TMEM91: variants seen among roughly 807,000 people sequenced by gnomAD.
TMEM91 encodes the protein dispanin subfamily C member 3.
A neutral mutation model predicts 13.3 loss-of-function variants in TMEM91; 6 were observed. The ratio of observed to expected loss-of-function variants is 0.45; its 90% CI spans 0.25 to 0.89. The LOEUF (loss-of-function observed/expected upper bound fraction) is 0.89, where lower values mean the gene tolerates loss of function less well. Among genes scored for constraint, TMEM91 ranks in the 40% least tolerant of loss-of-function variants. TMEM91 has a pLI of 0.19. For synonymous variants in TMEM91, 87 were observed against 101.7 expected, an observed-to-expected ratio of 0.86 and a Z score of 0.87; for missense variants, 193 against 228.7, an observed-to-expected ratio of 0.84 and a Z score of 1.01.
intron 2 of TMEM91, among the ~76,000 whole-genome samples, chr19:41,380,091 C>T (rs1156594296): frequency 6.6e-6 from 1 of 151,790 alleles, no homozygotes; most frequent in African/African-American, 2.4e-5. Flanking sequence ...GACAGGGTTT[C>T]ACTATGTTGG....
upstream of TMEM91, chr19:41,376,491 C>G (rs934375108): frequency 6.6e-6 from 1 of 152,282 alleles, no homozygotes. Flanking sequence ...CGGGGCCAAG[C>G]CAGGAAGGCC....
upstream of TMEM91, chr19:41,374,464 C>T (rs576541298): frequency 2.6e-5 from 4 of 152,318 alleles, no homozygotes; most frequent in African/African-American, 9.6e-5. Context: ...TGTTGGATAT[C>T]TGTTCTTTTT....
chr19:41,374,279 G>A (rs2038670417), upstream of TMEM91: 1 of 152,234 alleles, frequency 6.6e-6, no homozygotes, highest in Admixed American at 6.5e-5. Flanking sequence ...CTCCAGTCTG[G>A]TGAGACGGAG....
rs1400127607 is a variant in TMEM91 at position 41,383,606 on chromosome 19, G to A, written c.361-109G>A. 5 of 1,613,866 alleles carry A rather than the reference G, an allele frequency of 3.1e-6. No homozygotes were observed. In the Admixed American group the frequency reaches 8.3e-5, roughly 27 times the overall value. Reference sequence around the variant, plus strand: ...TAGTAGGTGCTACGTATCTGCTTTTGGAATACATGCATGAATGAATGAATG... The same window carrying A: ...TAGTAGGTGCTACGTATCTGCTTTTAGAATACATGCATGAATGAATGAATG... On this transcript the variant is annotated intron_variant, in intron 3 of 3. Transcript: ENST00000392002.
At chr19:41,372,137 A>T (rs1202310683), upstream of TMEM91, among the ~76,000 whole-genome samples, 1 of 152,012 alleles carries the variant, frequency 6.6e-6, no homozygotes, top group Non-Finnish European at 1.5e-5. Flanking sequence ...ACTTGAGGGT[A>T]GGAGTTCGAG....
intron 1 of TMEM91, among the ~76,000 whole-genome samples, chr19:41,371,357 CCTTCCTTCCTT>C: frequency 6.7e-6 from 1 of 148,912 alleles, no homozygotes; most frequent in Non-Finnish European, 1.5e-5. Context: ...TTCCTTCCTT[CCTTCCTTCCTT>C]CTTTCCTTCC....
chr19:41,384,071 C>A lies in TMEM91; in HGVS notation c.*198C>A, dbSNP rs1261744057. ...CAACCTGAGATTAAACACCAGACAC[C>A]CTTGCAGCCAAACCAGAGTCTGTTC... is the stretch of plus-strand genomic sequence containing the variant. On this transcript the variant is annotated 3_prime_UTR_variant, in exon 4 of 4. Coordinates refer to ENST00000392002, the MANE Select transcript of TMEM91 (RefSeq NM_001098821.2). The A allele has an allele frequency of 5.1e-6, 5 of 985,620 alleles. No homozygotes were observed. The African/African-American group carries it at 6.8e-5, about 13-fold the overall frequency. 61.1% of individuals were successfully genotyped at this position (985,620 alleles called of 1,614,324 possible).
chr19:41,368,864 C>T (rs2038569968), intron 1 of TMEM91, among the ~76,000 whole-genome samples: 1 of 151,950 alleles, frequency 6.6e-6, no homozygotes. Context: ...CCTGTAATCC[C>T]AGCACTTTGT....
chr19:41,375,166 TA>T (rs943064570), upstream of TMEM91, among the ~76,000 whole-genome samples: 6 of 151,854 alleles, frequency 4.0e-5, no homozygotes, highest in African/African-American at 1.2e-4. Flanking sequence ...CCCATTGGCT[TA>T]GCAAGGGCCA....
chr19:41,383,600 G>C, intron 3 of TMEM91, 115 bp from the exon 4 acceptor site: 1 of 1,613,940 alleles, frequency 6.2e-7, no homozygotes, highest in Non-Finnish European at 8.5e-7. Context: ...CTACGTATCT[G>C]CTTTTGGAAT....
At chr19:41,371,386 TTTCC>T (rs2038619096) in intron 1 of TMEM91, among the ~76,000 whole-genome samples, 1 of 137,934 alleles carries the variant, frequency 7.2e-6, no homozygotes, top group Admixed American at 7.2e-5. Context: ...TCCTTCCTTC[TTTCC>T]TTCCTCCCTC....
chr19:41,383,957 A>G lies in TMEM91; in HGVS notation c.*84A>G, dbSNP rs2038957036. On this transcript the variant is annotated 3_prime_UTR_variant, in exon 4 of 4. Transcript: ENST00000392002. The stretch of plus-strand genomic sequence containing the variant: ...AGAGAGTGGAGAATCTTGGTGGATG[A>G]GGCTGCGGCGGCGGCAGGAGCATCT... The G allele has an allele frequency of 1.3e-6, 2 of 1,540,462 alleles. No homozygotes were observed. The highest frequency in any genetic ancestry group is 1.7e-6 in the Non-Finnish European group (2 of 1,151,162).
chr19:41,379,888 CTTTTTTTTTTTTT>C (rs59525203), intron 2 of TMEM91, among the ~76,000 whole-genome samples: 60 of 75,156 alleles, frequency 8.0e-4, no homozygotes, highest in African/African-American at 3.1e-3. Flanking sequence ...TTAGGGCTTC[CTTTTTTTTTTTTT>C]TTTTTTTTTT....
chr19:41,377,799 T>A (rs1372586227), intron 1 of TMEM91, among the ~76,000 whole-genome samples: 5 of 151,486 alleles, frequency 3.3e-5, no homozygotes, highest in African/African-American at 1.2e-4. Flanking sequence ...TCCCCTAAGG[T>A]CAGGAGTTCG....
At chr19:41,377,046 T>C (rs2038736176) in intron 1 of TMEM91, 192 bp downstream of exon 1, 1 of 152,818 alleles carries the variant, frequency 6.5e-6, no homozygotes, top group South Asian at 2.0e-4. Flanking sequence ...GTGTTGCGTG[T>C]GTACGTGTAT....
chr19:41,382,705 G>A, intron 2 of TMEM91, 67 bp from the exon 3 acceptor site: 4 of 1,569,760 alleles, frequency 2.5e-6, no homozygotes, highest in Non-Finnish European at 2.6e-6. Flanking sequence ...TGAGGGCTAT[G>A]GAGAGCAGAG....
chr19:41,364,620 C>T (rs2038483121), intron 1 of TMEM91, among the ~76,000 whole-genome samples: 1 of 151,932 alleles, frequency 6.6e-6, no homozygotes, highest in Non-Finnish European at 1.5e-5. Flanking sequence ...TAGAGTTCCC[C>T]TAGGTTTCTC....
At chr19:41,368,356 G>T (rs1398786738) in intron 1 of TMEM91, among the ~76,000 whole-genome samples, 1 of 150,746 alleles carries the variant, frequency 6.6e-6, no homozygotes, top group East Asian at 1.9e-4. Flanking sequence ...GTTTGAGGCT[G>T]CAGTGAGCTG....
At chr19:41,382,725 A>G (rs1162542977) in intron 2 of TMEM91, 47 bp from the exon 3 acceptor site, 1 of 1,592,420 alleles carries the variant, frequency 6.3e-7, no homozygotes, top group Admixed American at 1.7e-5. Flanking sequence ...GCAATGGGGC[A>G]GGAAAGGTGG....
Sources: gnomAD v4.1 joint callset for allele counts (sites outside exome capture counted in the v4.1 genomes callset) on GRCh38, gnomAD v4.1.1 for gene constraint, MANE v1.5 for transcripts, NCBI Gene and HGNC (gene_info 2026-07-23, HGNC 2026-07-21) for gene names.